The following LCLAT1 variants were observed in gnomAD, a reference collection of about 807,000 sequenced individuals.
The protein encoded by LCLAT1 is lysocardiolipin acyltransferase 1.
In LCLAT1, 11 loss-of-function variants were observed where a neutral mutation model predicts 30.7. The ratio of observed to expected loss-of-function variants is 0.36; its 90% confidence interval spans 0.23 to 0.59. LCLAT1 has a LOEUF of 0.59. Ranked by LOEUF, LCLAT1 falls within the 20% of genes least tolerant of loss-of-function variation. The probability of loss-of-function intolerance (pLI) is 0.77; values close to 1 mark genes in which losing one functional copy is unlikely to be tolerated. For missense variants in LCLAT1, 402 were observed against 458.6 expected, an observed-to-expected ratio of 0.88 and a Z score of 1.13; for synonymous variants, 155 against 151.3, an observed-to-expected ratio of 1.02 and a Z score of -0.18.
chr2:30,622,059 A>G (rs1340140469), intron 5 of LCLAT1, among the ~76,000 whole-genome samples: 1 of 152,146 alleles, frequency 6.6e-6, no homozygotes, highest in Non-Finnish European at 1.5e-5. Flanking sequence ...CTGCCTGGAA[A>G]TAAACCTGGA....
intron 5 of LCLAT1, among the ~76,000 whole-genome samples, chr2:30,609,161 T>C (rs1039958357): frequency 5.9e-5 from 9 of 151,316 alleles, no homozygotes; most frequent in African/African-American, 2.2e-4. Flanking sequence ...CTAGTTCTTA[T>C]GTTCTAGATA....
intron 5 of LCLAT1, among the ~76,000 whole-genome samples, chr2:30,584,259 C>CCT (rs1227580440): frequency 2.0e-5 from 3 of 152,176 alleles, no homozygotes; most frequent in Non-Finnish European, 4.4e-5. Flanking sequence ...CATGCGTGAA[C>CCT]CTCTCTTCTC....
intron 1 of LCLAT1, among the ~76,000 whole-genome samples, chr2:30,513,517 A>C (rs1685034729): frequency 6.6e-6 from 1 of 152,192 alleles, no homozygotes; most frequent in East Asian, 1.9e-4. Flanking sequence ...TTGCTTAAAC[A>C]ATATGCTTAA....
chr2:30,588,596 G>T (rs943198525), intron 5 of LCLAT1, among the ~76,000 whole-genome samples: 3 of 151,622 alleles, frequency 2.0e-5, no homozygotes. Context: ...TTGTTTTTTT[G>T]TTTTTTTGAG....
intron 5 of LCLAT1, among the ~76,000 whole-genome samples, chr2:30,582,327 G>T (rs1196126552): frequency 1.3e-5 from 2 of 152,046 alleles, no homozygotes; most frequent in African/African-American, 2.4e-5. Context: ...ACTTCTACAG[G>T]AATATATTTG....
intron 5 of LCLAT1, chr2:30,607,994 A>G: frequency 5.3e-6 from 1 of 188,482 alleles, no homozygotes; most frequent in Non-Finnish European, 1.1e-5. Context: ...ACTTTACAAT[A>G]GGTTTGTGTT....
intron 5 of LCLAT1, among the ~76,000 whole-genome samples, chr2:30,608,870 A>G (rs1389568260): frequency 6.6e-6 from 1 of 152,122 alleles, no homozygotes; most frequent in Non-Finnish European, 1.5e-5. Context: ...TGGTAACCTT[A>G]ATTTGACCAG....
At chr2:30,522,015 T>C (rs1685501831) in intron 1 of LCLAT1, among the ~76,000 whole-genome samples, 1 of 152,260 alleles carries the variant, frequency 6.6e-6, no homozygotes, top group Admixed American at 6.5e-5. Context: ...TAACTCAACA[T>C]GTTGCATGGA....
intron 5 of LCLAT1, among the ~76,000 whole-genome samples, chr2:30,570,405 G>A (rs943423600): frequency 3.9e-5 from 6 of 152,166 alleles, no homozygotes; most frequent in East Asian, 1.9e-4. Flanking sequence ...TAATAGTATA[G>A]CAGCTAACGT....
chr2:30,543,543 A>G (rs952359921), intron 3 of LCLAT1, among the ~76,000 whole-genome samples: 1 of 152,170 alleles, frequency 6.6e-6, no homozygotes, highest in African/African-American at 2.4e-5. Flanking sequence ...TTCACCAGTG[A>G]AGCCATCTAA....
Position 30,473,392 on chromosome 2 carries a change from A to G in LCLAT1, c.-5+26009A>G, listed in dbSNP as rs573549077. Among the ~76,000 whole-genome samples, 5 of 152,304 alleles carry G rather than the reference A, an allele frequency of 3.3e-5. No homozygotes were observed. In the East Asian group the frequency reaches 7.7e-4, roughly 23 times the overall value. On this transcript the variant is annotated intron_variant, in intron 1 of 5. Coordinates refer to ENST00000379509, the MANE Select transcript of LCLAT1 (RefSeq NM_001002257.3). ...TCCTTGGGATAAGGAGAGCAGGTAG[A>G]CGGAAGAGAACCTGGTAAGCTTAAA...
chr2:30,457,848 C>T (rs1159813814), intron 1 of LCLAT1, among the ~76,000 whole-genome samples: 2 of 152,050 alleles, frequency 1.3e-5, no homozygotes, highest in East Asian at 1.9e-4. Flanking sequence ...TTAACCTAAG[C>T]GTGTGTTACT....
Position 30,640,304 on chromosome 2 carries a change from G to C in LCLAT1, c.816G>C (p.Glu272Asp), listed in dbSNP as rs759355239. 6 of 1,614,234 alleles carry C rather than the reference G, an allele frequency of 3.7e-6. No individual in the cohort carries two copies. Among genetic ancestry groups the C allele is most frequent in the South Asian group, 3.3e-5 (3 of 91,088 alleles). The stretch of plus-strand genomic sequence containing the variant: ...TCTGGTGCCACAAACGGTGGGAAGA[G>C]AAAGAAGAGAGGCTGCGTTCCTTCT... ...LQLWCHKRWE[E>D]KEERLRSFYQ... The change falls in exon 6 of 6, where the codon GAG becomes GAC. Residue 272 changes from glutamate to aspartate, a missense_variant. Physicochemically the swap from Glu to Asp is conservative, Grantham distance 45. Coordinates refer to ENST00000379509, the MANE Select transcript of LCLAT1 (RefSeq NM_001002257.3).
chr2:30,481,918 A>G (rs888157121), intron 1 of LCLAT1, among the ~76,000 whole-genome samples: 1 of 152,178 alleles, frequency 6.6e-6, no homozygotes, highest in African/African-American at 2.4e-5. Context: ...TTTGACTTCC[A>G]ATAATTTTTC....
At chr2:30,504,697 CCCTT>C (rs1453377874) in intron 1 of LCLAT1, among the ~76,000 whole-genome samples, 2 of 152,084 alleles carry the variant, frequency 1.3e-5, no homozygotes, top group East Asian at 3.9e-4. Context: ...TTTTCCTCTC[CCCTT>C]CCTTTTCTCT....
At chr2:30,475,608 T>A (rs1180985064) in intron 1 of LCLAT1, among the ~76,000 whole-genome samples, 2 of 152,202 alleles carry the variant, frequency 1.3e-5, no homozygotes, top group Non-Finnish European at 2.9e-5. Flanking sequence ...AATGCATGTT[T>A]AAATAGAATA....
At chr2:30,525,303 C>T (rs1485033044) in intron 1 of LCLAT1, among the ~76,000 whole-genome samples, 1 of 152,130 alleles carries the variant, frequency 6.6e-6, no homozygotes, top group African/African-American at 2.4e-5. Context: ...TCTCGAACTC[C>T]TGGCCTCAAG....
chr2:30,448,760 C>T (rs1681394465), intron 1 of LCLAT1, among the ~76,000 whole-genome samples: 1 of 152,126 alleles, frequency 6.6e-6, no homozygotes, highest in Non-Finnish European at 1.5e-5. Context: ...GTCAGTTTGT[C>T]CTGGGGTTGA....
At chr2:30,584,790 A>G (rs1666354759) in intron 5 of LCLAT1, among the ~76,000 whole-genome samples, 1 of 152,168 alleles carries the variant, frequency 6.6e-6, no homozygotes, top group Non-Finnish European at 1.5e-5. Flanking sequence ...ACTAATATAA[A>G]AGTTTTATGT....
Sources: allele counts gnomAD v4.1 joint callset (sites outside exome capture counted in the v4.1 genomes callset), GRCh38; gene constraint gnomAD v4.1.1; transcripts MANE v1.5; gene names NCBI Gene and HGNC (gene_info 2026-07-23, HGNC 2026-07-21).